The following CTNNA3 variants were observed in gnomAD, a reference collection of about 807,000 sequenced individuals.
The protein encoded by CTNNA3 is catenin alpha-3.
In CTNNA3, 76 loss-of-function variants were observed where a neutral mutation model predicts 95.7. The observed-to-expected ratio is 0.79, with a 90% CI of 0.66 to 0.96. The LOEUF is 0.96. Among genes scored for constraint, CTNNA3 ranks in the 40% least tolerant of loss-of-function variants. CTNNA3 has a pLI of 0.00. For missense variants in CTNNA3, 1,191 were observed against 1,089.8 expected, an observed-to-expected ratio of 1.09 and a Z score of -1.31; for synonymous variants, 431 against 374.4, an observed-to-expected ratio of 1.15 and a Z score of -1.74.
intron 10 of CTNNA3, among the ~76,000 whole-genome samples, chr10:66,529,443 T>TC (rs1554812155): frequency 0.032 from 3,768 of 116,606 alleles, 90 homozygotes; most frequent in South Asian, 0.073. Flanking sequence ...AACAGTGTTT[T>TC]TTTTTTGTTT....
chr10:67,046,872 A>G (rs1249263435), intron 7 of CTNNA3, among the ~76,000 whole-genome samples: 1 of 152,212 alleles, frequency 6.6e-6, no homozygotes, highest in East Asian at 1.9e-4. Context: ...TAAGGGTCCA[A>G]AGAAAATTTG....
At chr10:66,153,086 T>C (rs953441110) in intron 13 of CTNNA3, among the ~76,000 whole-genome samples, 1 of 151,986 alleles carries the variant, frequency 6.6e-6, no homozygotes, top group Non-Finnish European at 1.5e-5. Flanking sequence ...TTTGTCATCT[T>C]CATTCTTCTA....
At chr10:66,186,331 G>T (rs2086345224) in intron 13 of CTNNA3, among the ~76,000 whole-genome samples, 1 of 151,926 alleles carries the variant, frequency 6.6e-6, no homozygotes, top group African/African-American at 2.4e-5. Flanking sequence ...AGATGAGTGT[G>T]TGTTGGAAAG....
chr10:66,654,174 A>G (rs1845999516), intron 9 of CTNNA3, among the ~76,000 whole-genome samples: 1 of 152,112 alleles, frequency 6.6e-6, no homozygotes, highest in Non-Finnish European at 1.5e-5. Context: ...GAGACAACCT[A>G]TGGAATGGAA....
intron 5 of CTNNA3, among the ~76,000 whole-genome samples, chr10:67,434,984 G>A (rs747970568): frequency 5.9e-5 from 9 of 151,904 alleles, no homozygotes; most frequent in African/African-American, 1.4e-4. Context: ...GGTAGCCTCC[G>A]AAGCAGTGTG....
At chr10:66,317,440 G>A (rs1019728684) in intron 12 of CTNNA3, among the ~76,000 whole-genome samples, 2 of 152,006 alleles carry the variant, frequency 1.3e-5, no homozygotes, top group African/African-American at 2.4e-5. Flanking sequence ...TTGGGAGGCC[G>A]AGGTGGGTGA....
At chr10:66,223,380 T>C (rs1456599863) in intron 13 of CTNNA3, among the ~76,000 whole-genome samples, 1 of 152,188 alleles carries the variant, frequency 6.6e-6, no homozygotes, top group Non-Finnish European at 1.5e-5. Context: ...AAACATGTTA[T>C]TGAATTTATA....
chr10:67,314,742 G>A (rs941565169), intron 5 of CTNNA3, among the ~76,000 whole-genome samples: 4 of 152,152 alleles, frequency 2.6e-5, no homozygotes, highest in Non-Finnish European at 5.9e-5. Context: ...ATGGCATATG[G>A]ATAAAATTGC....
rs185006328 is a variant in CTNNA3 at position 67,146,083 on chromosome 10, T to A, written c.1047+34234A>T. Reference sequence around the variant, plus strand: ...TGTACTGCACCTTCCAACCAACACCTCTACCCCAGCACCCCTCCACACACA... The same window carrying A: ...TGTACTGCACCTTCCAACCAACACCACTACCCCAGCACCCCTCCACACACA... On this transcript the variant is annotated intron_variant, in intron 7 of 17. Transcript: ENST00000433211. Among the ~76,000 whole-genome samples the A allele has an allele frequency of 2.0e-5, 3 of 152,174 alleles. No homozygotes were observed. In the East Asian group the frequency reaches 5.8e-4, roughly 29 times the overall value.
chr10:67,479,106 C>T (rs1848125651), intron 5 of CTNNA3, among the ~76,000 whole-genome samples: 1 of 152,094 alleles, frequency 6.6e-6, no homozygotes, highest in Non-Finnish European at 1.5e-5. Flanking sequence ...ATTTATAGAA[C>T]AAGTACTTCT....
intron 7 of CTNNA3, among the ~76,000 whole-genome samples, chr10:66,978,206 C>T (rs1446555257): frequency 6.6e-6 from 1 of 151,858 alleles, no homozygotes; most frequent in Non-Finnish European, 1.5e-5. Flanking sequence ...AGATCTGCTG[C>T]ACAACATAGT....
intron 7 of CTNNA3, among the ~76,000 whole-genome samples, chr10:67,049,484 T>G (rs1854953264): frequency 6.6e-6 from 1 of 152,136 alleles, no homozygotes; most frequent in South Asian, 2.1e-4. Flanking sequence ...ATATACATAT[T>G]TCCTACTACA....
intron 1 of CTNNA3, among the ~76,000 whole-genome samples, chr10:67,715,425 A>T (rs746845990): frequency 2.3e-4 from 35 of 152,294 alleles, no homozygotes; most frequent in Middle Eastern, 3.4e-3. Flanking sequence ...GAACTGACCA[A>T]ATGATAGGGC....
At chr10:66,591,286 T>C (rs1451531101) in intron 10 of CTNNA3, among the ~76,000 whole-genome samples, 7 of 152,200 alleles carry the variant, frequency 4.6e-5, no homozygotes, top group African/African-American at 7.2e-5. Flanking sequence ...AACATATTTT[T>C]CCCCCCTTGG....
At chr10:67,554,730 T>C (rs1841170315) in intron 3 of CTNNA3, among the ~76,000 whole-genome samples, 1 of 152,224 alleles carries the variant, frequency 6.6e-6, no homozygotes, top group Non-Finnish European at 1.5e-5. Context: ...TGGTAGTTTC[T>C]TTTGCTGTGC....
At chr10:66,155,167 A>G (rs1024850490) in intron 13 of CTNNA3, among the ~76,000 whole-genome samples, 1 of 151,856 alleles carries the variant, frequency 6.6e-6, no homozygotes, top group African/African-American at 2.4e-5. Context: ...TGTGTCCCAA[A>G]GCAGACAGAA....
intron 5 of CTNNA3, among the ~76,000 whole-genome samples, chr10:67,332,743 C>T (rs948232976): frequency 2.6e-5 from 4 of 152,082 alleles, no homozygotes; most frequent in Admixed American, 2.0e-4. Flanking sequence ...GATTTGGAGT[C>T]GATTGTCCAC....
rs3056552 is a variant in CTNNA3 at position 66,931,192 on chromosome 10, T to TAAAAAAA, written c.1048-155675_1048-155669dup. On this transcript the variant is annotated intron_variant, in intron 7 of 17. Transcript: ENST00000433211. ...GACTTCCCTCAAAGGTGACAACAGTTAAAAAAAAAAAAAAAAAAAGCCTGA... is the reference window on the plus strand; with the variant it reads ...GACTTCCCTCAAAGGTGACAACAGTTAAAAAAAAAAAAAAAAAAAAAAAAAAGCCTGA... 2.5e-5 allele frequency among the ~76,000 whole-genome samples: 3 copies of TAAAAAAA among 118,702 alleles called. 1 individual carries two copies. The highest frequency in any genetic ancestry group is 9.6e-5 in the African/African-American group (3 of 31,124). 77.9% of individuals were successfully genotyped at this position (118,702 alleles called of 152,430 possible).
At chr10:66,097,457 TATAAA>T (rs1485712690) in intron 14 of CTNNA3, among the ~76,000 whole-genome samples, 2 of 152,172 alleles carry the variant, frequency 1.3e-5, no homozygotes, top group East Asian at 3.9e-4. Context: ...CAAAAACACC[TATAAA>T]ATAGATATTA....
Sources: gnomAD v4.1 joint callset for allele counts (sites outside exome capture counted in the v4.1 genomes callset) on GRCh38, gnomAD v4.1.1 for gene constraint, MANE v1.5 for transcripts, NCBI Gene and HGNC (gene_info 2026-07-23, HGNC 2026-07-21) for gene names.